The following AKAP13 variants were observed in gnomAD, a reference collection of about 807,000 sequenced individuals.
The protein encoded by AKAP13 is A-kinase anchor protein 13.
In AKAP13, 80 loss-of-function variants were observed where a neutral mutation model predicts 264.5. That is an observed-to-expected ratio of 0.30 (90% CI 0.25 to 0.36). The LOEUF is 0.36. Ranked by LOEUF, AKAP13 falls within the 10% of genes least tolerant of loss-of-function variation. The pLI, the probability that AKAP13 is intolerant of heterozygous loss-of-function variation, is 1.00. For missense variants in AKAP13, 3,712 were observed against 3,435.2 expected, an observed-to-expected ratio of 1.08 and a Z score of -2.01; for synonymous variants, 1,380 against 1,250.2, an observed-to-expected ratio of 1.10 and a Z score of -2.19.
At chr15:85,722,640 G>A (rs1284689931) in intron 25 of AKAP13, among the ~76,000 whole-genome samples, 1 of 152,140 alleles carries the variant, frequency 6.6e-6, no homozygotes, top group Non-Finnish European at 1.5e-5. Context: ...ATTCCCAGAA[G>A]TGCTAGAATT....
chr15:85,425,647 T>C (rs950186590), intron 1 of AKAP13, among the ~76,000 whole-genome samples: 2 of 145,244 alleles, frequency 1.4e-5, no homozygotes, highest in Non-Finnish European at 3.0e-5. Flanking sequence ...ACCCAGGAGG[T>C]GGACATTGCA....
At chr15:85,402,623 A>C (rs1358407322) in intron 1 of AKAP13, among the ~76,000 whole-genome samples, 1 of 152,192 alleles carries the variant, frequency 6.6e-6, no homozygotes, top group Admixed American at 6.5e-5. Flanking sequence ...AGATGCAAAG[A>C]ATCATACTCC....
chr15:85,393,525 G>A lies in AKAP13; in HGVS notation c.-12+12727G>A, dbSNP rs560861367. ...GAATAGTGTGTATGTCCAGTCTAGA[G>A]AGGTTTTTTGAGGTCATTTTCTATA... On this transcript the variant is annotated intron_variant, in intron 1 of 36. Coordinates refer to ENST00000394518, the MANE Select transcript of AKAP13 (RefSeq NM_007200.5). 3.9e-5 allele frequency among the ~76,000 whole-genome samples: 6 copies of A among 152,314 alleles called. No individual in the cohort carries two copies. In the South Asian group the frequency reaches 1.0e-3, roughly 26 times the overall value.
chr15:85,545,830 C>T (rs2077716383), intron 5 of AKAP13, among the ~76,000 whole-genome samples: 1 of 152,160 alleles, frequency 6.6e-6, no homozygotes, highest in Non-Finnish European at 1.5e-5. Context: ...TTTCCTTCCC[C>T]TTTCTTTTCC....
At chr15:85,382,906 C>T (rs999594020) in intron 1 of AKAP13, among the ~76,000 whole-genome samples, 1 of 152,230 alleles carries the variant, frequency 6.6e-6, no homozygotes, top group Admixed American at 6.5e-5. Context: ...AATGACAGTT[C>T]ACTTGCAGAT....
At chr15:85,469,523 A>C (rs1397332048) in intron 1 of AKAP13, among the ~76,000 whole-genome samples, 1 of 152,200 alleles carries the variant, frequency 6.6e-6, no homozygotes. Context: ...ATAGCTGCTC[A>C]TCTGGAGTCA....
chr15:85,437,451 T>C (rs1351146456), intron 1 of AKAP13, among the ~76,000 whole-genome samples: 1 of 151,642 alleles, frequency 6.6e-6, no homozygotes, highest in African/African-American at 2.4e-5. Flanking sequence ...AAAGAGGGAA[T>C]CCTCCCTAAC....
chr15:85,475,936 T>C (rs2075147940), intron 1 of AKAP13, among the ~76,000 whole-genome samples: 1 of 152,032 alleles, frequency 6.6e-6, no homozygotes, highest in Admixed American at 6.6e-5. Context: ...TGAGCAGTAG[T>C]GGTGTGGAGG....
intron 2 of AKAP13, among the ~76,000 whole-genome samples, chr15:85,501,114 A>G (rs2076026902): frequency 1.3e-5 from 2 of 152,170 alleles, no homozygotes; most frequent in Non-Finnish European, 2.9e-5. Flanking sequence ...ACTCGTGAAC[A>G]CCATTTTCTT....
intron 2 of AKAP13, among the ~76,000 whole-genome samples, chr15:85,509,895 G>A (rs2076361924): frequency 1.3e-5 from 2 of 152,132 alleles, no homozygotes; most frequent in African/African-American, 2.4e-5. Flanking sequence ...CACCTCCTCC[G>A]ACATGTCACC....
chr15:85,417,258 TTTTAGACTTTGAGATTTTAGAAACC>T (rs2072284211), intron 1 of AKAP13, among the ~76,000 whole-genome samples: 4 of 152,262 alleles, frequency 2.6e-5, no homozygotes, highest in Admixed American at 2.6e-4. Flanking sequence ...TTCCAGTAGT[TTTTAGACTTTGAGATTTTAGAAACC>T]TCATTTTCAG....
intron 9 of AKAP13, among the ~76,000 whole-genome samples, chr15:85,643,519 A>G (rs1388734314): frequency 6.6e-6 from 1 of 152,198 alleles, no homozygotes; most frequent in Non-Finnish European, 1.5e-5. Context: ...CAACATAATT[A>G]CCATCCAGGC....
chr15:85,586,939 AAT>A (rs774929115), intron 8 of AKAP13, among the ~76,000 whole-genome samples: 865 of 25,354 alleles, frequency 0.034, 7 homozygotes, highest in Middle Eastern at 0.038. Flanking sequence ...AAAAAAAAAA[AAT>A]AAGAGAATAA....
chr15:85,489,199 A>G (rs2075657412), intron 2 of AKAP13, among the ~76,000 whole-genome samples: 1 of 152,228 alleles, frequency 6.6e-6, no homozygotes, highest in South Asian at 2.1e-4. Context: ...AGTCATAGAA[A>G]CCACTGTAAA....
chr15:85,389,151 T>C (rs770932029), intron 1 of AKAP13, among the ~76,000 whole-genome samples: 5 of 152,202 alleles, frequency 3.3e-5, no homozygotes, highest in Non-Finnish European at 7.3e-5. Flanking sequence ...ACAATATGCA[T>C]GCTTGGCTTA....
intron 1 of AKAP13, among the ~76,000 whole-genome samples, chr15:85,461,698 C>T (rs1176925478): frequency 2.0e-5 from 3 of 151,734 alleles, no homozygotes; most frequent in African/African-American, 4.8e-5. Flanking sequence ...TTTTCTTTAG[C>T]CATGGTGGTT....
intron 17 of AKAP13, among the ~76,000 whole-genome samples, chr15:85,694,180 A>G (rs1490188412): frequency 6.6e-6 from 1 of 152,260 alleles, no homozygotes; most frequent in East Asian, 1.9e-4. Context: ...TTCAGCCATT[A>G]CCAACATTAA....
intron 1 of AKAP13, among the ~76,000 whole-genome samples, chr15:85,438,491 AAAG>A (rs1486821811): frequency 1.3e-5 from 2 of 150,248 alleles, no homozygotes; most frequent in African/African-American, 4.9e-5. Flanking sequence ...TGGAACCAAA[AAAG>A]AGCCTGCATC....
intron 8 of AKAP13, among the ~76,000 whole-genome samples, chr15:85,620,706 G>A (rs1482654176): frequency 2.6e-5 from 4 of 152,150 alleles, no homozygotes; most frequent in Admixed American, 2.6e-4. Context: ...CTATTAAGGT[G>A]GCAGAGCTGA....
Sources: gnomAD v4.1 joint callset for allele counts (sites outside exome capture counted in the v4.1 genomes callset) on GRCh38, gnomAD v4.1.1 for gene constraint, MANE v1.5 for transcripts, NCBI Gene and HGNC (gene_info 2026-07-23, HGNC 2026-07-21) for gene names.